Variants in SCN8A observed in about 807,000 individuals in gnomAD.
SCN8A encodes sodium channel protein type 8 subunit alpha.
SCN8A carries 30 observed loss-of-function variants against 184.1 expected under a neutral mutation model. The ratio of observed to expected loss-of-function variants is 0.16; its 90% CI spans 0.12 to 0.22. SCN8A has a LOEUF of 0.22. Among genes scored for constraint, SCN8A ranks in the 10% least tolerant of loss-of-function variants. The pLI, the probability that SCN8A is intolerant of heterozygous loss-of-function variation, is 1.00. For missense variants in SCN8A, 1,057 were observed against 2,498.9 expected (o/e 0.42, Z 12.30); for synonymous variants, 852 against 907.0 (o/e 0.94, Z 1.09).
rs181772962 is a variant in SCN8A at position 51,654,279 on chromosome 12, T to A, written c.-54-8485T>A. ...GAAATCATTGACAGATCCAATGTTA[T>A]GAAGCTTTTCCTCTATATTTTCTTC... On this transcript the variant is annotated intron_variant, in intron 1 of 26. Coordinates refer to ENST00000627620, the MANE Select transcript of SCN8A (RefSeq NM_001330260.2). 6.6e-5 allele frequency among the ~76,000 whole-genome samples: 10 copies of A among 152,340 alleles called. No homozygotes were observed. The East Asian group carries it at 1.9e-3, about 29-fold the overall frequency.
intron 11 of SCN8A, chr12:51,713,400 G>C (rs1941913955): frequency 1.1e-6 from 1 of 909,828 alleles, no homozygotes; most frequent in Non-Finnish European, 1.8e-6. Context: ...TTGTTTGGGG[G>C]TCTCTCATTA....
intron 19 of SCN8A, among the ~76,000 whole-genome samples, chr12:51,772,974 G>A (rs997723742): frequency 1.3e-5 from 2 of 152,066 alleles, no homozygotes; most frequent in South Asian, 2.1e-4. Context: ...AAAATTAGCC[G>A]GGTGTGGTGG....
chr12:51,681,006 A>AAAT (rs953949414), intron 2 of SCN8A, among the ~76,000 whole-genome samples: 15 of 152,052 alleles, frequency 9.9e-5, no homozygotes, highest in East Asian at 1.9e-4. Flanking sequence ...CTCTGTCTCA[A>AAAT]AATAATAATA....
At chr12:51,795,067 T>A (rs1301521305) in intron 26 of SCN8A, among the ~76,000 whole-genome samples, 2 of 152,196 alleles carry the variant, frequency 1.3e-5, no homozygotes, top group Non-Finnish European at 2.9e-5. Flanking sequence ...ATGGTAGTGC[T>A]GCTGTTACTG....
chr12:51,598,958 A>C (rs952473599), intron 1 of SCN8A, among the ~76,000 whole-genome samples: 1 of 152,156 alleles, frequency 6.6e-6, no homozygotes, highest in African/African-American at 2.4e-5. Context: ...TTTATATTCT[A>C]ATTTCTTGGC....
Position 51,751,447 on chromosome 12 carries a change from C to T in SCN8A, c.2224C>T (p.Leu742=). ...IWECHPYWIK[L]KEIVNLIVMD... The stretch of plus-strand genomic sequence containing the variant: ...GGAGTGCCACCCCTACTGGATAAAA[C>T]TGAAAGAGATTGTGAACTTGATAGT... Residue 742 remains leucine (L), a synonymous_variant, in exon 14 of 27, where the codon CTG becomes TTG. Transcript: ENST00000627620. 5 of 1,613,898 alleles carry T rather than the reference C, an allele frequency of 3.1e-6. No homozygotes were observed. The highest frequency in any genetic ancestry group is 4.2e-6 in the Non-Finnish European group (5 of 1,179,862).
rs1942883632 is a variant in SCN8A at position 51,769,117 on chromosome 12, G to T, written c.3154G>T (p.Asp1052Tyr). Residue 1052 changes from aspartate to tyrosine, a missense_variant, in exon 17 of 27, where the codon GAC (aspartate) becomes TAC (tyrosine). By Grantham distance (160) the Asp-to-Tyr change is radical. This residue lies in a region of SCN8A where 178 missense variants were observed against 259.6 expected (regional missense o/e 0.69). Transcript: ENST00000627620. The part of the protein sequence containing the change: ...ANCIANHTGA[D>Y]IHRNGDFQKN... ...CTGTATCGCCAATCACACCGGTGCA[G>T]ACATCCACCGGAATGGTGACTTCCA... 3 of 1,613,458 alleles carry T rather than the reference G, an allele frequency of 1.9e-6. No individual in the cohort carries two copies. The East Asian group carries it at 6.7e-5, about 36-fold the overall frequency.
chr12:51,646,937 C>A (rs942759160), intron 1 of SCN8A, among the ~76,000 whole-genome samples: 23 of 152,288 alleles, frequency 1.5e-4, no homozygotes, highest in African/African-American at 5.5e-4. Flanking sequence ...TCATTTTGGA[C>A]TGATGGAACT....
chr12:51,681,762 G>T (rs1941337913), intron 2 of SCN8A, among the ~76,000 whole-genome samples: 1 of 152,188 alleles, frequency 6.6e-6, no homozygotes, highest in Non-Finnish European at 1.5e-5. Context: ...TTTCCATTGG[G>T]AAGAGAATGA....
intron 11 of SCN8A, among the ~76,000 whole-genome samples, chr12:51,719,765 A>G (rs1435252243): frequency 1.3e-5 from 2 of 150,564 alleles, no homozygotes; most frequent in East Asian, 2.0e-4. Context: ...AGAAGAATAA[A>G]TAAGAAAAAA....
chr12:51,690,528 A>C (rs1314632280), intron 6 of SCN8A, among the ~76,000 whole-genome samples: 1 of 151,856 alleles, frequency 6.6e-6, no homozygotes, highest in East Asian at 1.9e-4. Flanking sequence ...CATTTTTAAA[A>C]AAAAATTTTT....
intron 25 of SCN8A, among the ~76,000 whole-genome samples, chr12:51,792,318 A>C (rs775218063): frequency 1.3e-4 from 8 of 61,376 alleles, no homozygotes; most frequent in Admixed American, 1.3e-3. Flanking sequence ...CCATCTGTAC[A>C]AAAAAAAAAA....
intron 14 of SCN8A, among the ~76,000 whole-genome samples, chr12:51,753,108 G>GT (rs908450809): frequency 6.6e-6 from 1 of 152,094 alleles, no homozygotes; most frequent in African/African-American, 2.4e-5. Flanking sequence ...AATTAGAATT[G>GT]TAAGTATGCA....
intron 16 of SCN8A, chr12:51,766,378 CA>C (rs1180034191): frequency 9.1e-6 from 3 of 331,128 alleles, no homozygotes; most frequent in Non-Finnish European, 1.7e-5. Context: ...TTCTTAACGA[CA>C]ATTTCTCATC....
intron 11 of SCN8A, chr12:51,712,735 C>G (rs1301623570): frequency 4.5e-6 from 5 of 1,099,924 alleles, no homozygotes; most frequent in African/African-American, 1.5e-5. Flanking sequence ...TGGTCCACCA[C>G]CACCATAGCC....
chr12:51,630,080 A>AT (rs1316200454), intron 1 of SCN8A, among the ~76,000 whole-genome samples: 2 of 152,100 alleles, frequency 1.3e-5, no homozygotes, highest in African/African-American at 4.8e-5. Context: ...CTGTGCCATG[A>AT]TTTTTTCATT....
chr12:51,705,409 C>T lies in SCN8A; in HGVS notation c.1135-8C>T, dbSNP rs998011038. On this transcript the variant is annotated splice_polypyrimidine_tract_variant and splice_region_variant and intron_variant, in intron 9 of 26. Coordinates refer to ENST00000627620, the MANE Select transcript of SCN8A (RefSeq NM_001330260.2). ...AAGTGACTCAGAAAATGGCCTTTGT[C>T]TTTGCAGACTTTACGAGCAGCCGGG... 1.2e-6 allele frequency: 2 copies of T among 1,613,596 alleles called. No homozygotes were observed. Among genetic ancestry groups the T allele is most frequent in the African/African-American group, 1.3e-5 (1 of 75,034 alleles).
intron 12 of SCN8A, among the ~76,000 whole-genome samples, chr12:51,739,409 G>T (rs1315445965): frequency 2.6e-5 from 4 of 152,050 alleles, no homozygotes; most frequent in Non-Finnish European, 5.9e-5. Context: ...AGATCCGGGG[G>T]GTCATTTTCT....
chr12:51,631,415 G>A (rs1267039584), intron 1 of SCN8A, among the ~76,000 whole-genome samples: 1 of 152,220 alleles, frequency 6.6e-6, no homozygotes, highest in Non-Finnish European at 1.5e-5. Flanking sequence ...AGGAAAAGAT[G>A]CAGATGTGAT....
Sources: allele counts gnomAD v4.1 joint callset (sites outside exome capture counted in the v4.1 genomes callset), GRCh38; gene constraint gnomAD v4.1.1; regional missense constraint gnomAD v4.1.1; transcripts MANE v1.5; gene names NCBI Gene and HGNC (gene_info 2026-07-23, HGNC 2026-07-21).